Variants in PRKG1 observed in about 807,000 individuals in gnomAD.
PRKG1 encodes protein kinase cGMP-dependent 1, also known as cGMP-dependent protein kinase 1.
In PRKG1, 35 loss-of-function variants were observed where a neutral mutation model predicts 88.1. That is an observed-to-expected ratio of 0.40 (90% CI 0.30 to 0.53). The LOEUF is 0.53. PRKG1 is among the 20% of genes least tolerant of loss of function. The pLI is 0.59. For missense variants in PRKG1, 540 were observed against 839.8 expected (o/e 0.64, Z 4.41); for synonymous variants, 303 against 292.5 (o/e 1.04, Z -0.37).
At chr10:51,220,548 G>C (rs1397483556) in intron 2 of PRKG1, among the ~76,000 whole-genome samples, 1 of 152,064 alleles carries the variant, frequency 6.6e-6, no homozygotes, top group East Asian at 1.9e-4. Context: ...CATAGTATAG[G>C]ACACCAGTAT....
rs1841095612 is a variant in PRKG1, at chr10:51,869,270, C to T, written c.699-38237C>T. On this transcript the variant is annotated intron_variant, in intron 4 of 17. Coordinates refer to ENST00000373980, the MANE Select transcript of PRKG1 (RefSeq NM_006258.4). ...AGTAATCCCATCATTGCCTTAAATG[C>T]ATTTACCCATGTGTTTGATGTGCTC... is the stretch of plus-strand genomic sequence containing the variant. Among the ~76,000 whole-genome samples the T allele has an allele frequency of 2.0e-5, 3 of 152,140 alleles. No individual in the cohort carries two copies. In the South Asian group the frequency reaches 6.2e-4, roughly 31 times the overall value.
chr10:51,364,425 A>T (rs2132593729), intron 2 of PRKG1, among the ~76,000 whole-genome samples: 1 of 152,054 alleles, frequency 6.6e-6, no homozygotes, highest in Non-Finnish European at 1.5e-5. Context: ...ATGAAATGAG[A>T]TCTTTGCCAA....
At chr10:51,064,648 C>T (rs959286791) in intron 1 of PRKG1, among the ~76,000 whole-genome samples, 4 of 152,044 alleles carry the variant, frequency 2.6e-5, no homozygotes, top group African/African-American at 7.2e-5. Flanking sequence ...GAAGGGCTTA[C>T]GAAGTATTCT....
chr10:51,110,514 G>A (rs1019080242), intron 1 of PRKG1, among the ~76,000 whole-genome samples: 68 of 152,160 alleles, frequency 4.5e-4, no homozygotes, highest in African/African-American at 1.4e-3. Context: ...AGAACAAACC[G>A]GTGGTTGCCT....
chr10:51,301,619 G>A (rs916479840), intron 2 of PRKG1, among the ~76,000 whole-genome samples: 1 of 152,162 alleles, frequency 6.6e-6, no homozygotes. Flanking sequence ...CCAAAGGATT[G>A]GGAATAGGTC....
At chr10:52,033,938 T>A (rs370667354) in intron 5 of PRKG1, among the ~76,000 whole-genome samples, 2 of 150,076 alleles carry the variant, frequency 1.3e-5, no homozygotes, top group South Asian at 4.3e-4. Context: ...GGGGTTGTTC[T>A]CTGGCAGGCA....
At chr10:51,149,736 C>A (rs1846020246) in intron 1 of PRKG1, among the ~76,000 whole-genome samples, 1 of 152,026 alleles carries the variant, frequency 6.6e-6, no homozygotes, top group South Asian at 2.1e-4. Context: ...TGCACTGGCT[C>A]ATGTAAGATC....
chr10:52,081,789 T>A, intron 7 of PRKG1: 1 of 401,622 alleles, frequency 2.5e-6, no homozygotes, highest in Non-Finnish European at 5.0e-6. Context: ...ATGGTCCTCA[T>A]TGAGAAAGTG....
At chr10:51,221,441 T>C (rs1838527377) in intron 2 of PRKG1, among the ~76,000 whole-genome samples, 1 of 152,096 alleles carries the variant, frequency 6.6e-6, no homozygotes, top group Non-Finnish European at 1.5e-5. Flanking sequence ...TCTAAATCTC[T>C]CTTTGTATAA....
At chr10:51,264,833 AAC>A (rs1272646611) in intron 2 of PRKG1, among the ~76,000 whole-genome samples, 1 of 152,194 alleles carries the variant, frequency 6.6e-6, no homozygotes, top group African/African-American at 2.4e-5. Context: ...GGCTTTCATG[AAC>A]AGTTTTGCAT....
chr10:51,179,654 G>A (rs1291639735), intron 2 of PRKG1, among the ~76,000 whole-genome samples: 6 of 152,098 alleles, frequency 3.9e-5, no homozygotes, highest in East Asian at 3.9e-4. Flanking sequence ...CAGGAGTTAC[G>A]GATTATGGAC....
At chr10:51,512,268 T>C (rs1050328992) in intron 3 of PRKG1, among the ~76,000 whole-genome samples, 3 of 149,552 alleles carry the variant, frequency 2.0e-5, no homozygotes, top group African/African-American at 7.4e-5. Flanking sequence ...TATGTATACA[T>C]GTGCCATGCT....
At chr10:51,807,997 A>AT (rs1839351172) in intron 4 of PRKG1, among the ~76,000 whole-genome samples, 1 of 150,030 alleles carries the variant, frequency 6.7e-6, no homozygotes, top group South Asian at 2.2e-4. Flanking sequence ...GAATAATATT[A>AT]ATTCCTTCTT....
intron 5 of PRKG1, among the ~76,000 whole-genome samples, chr10:51,924,125 T>C (rs114227278): frequency 2.3e-3 from 356 of 152,204 alleles, no homozygotes; most frequent in African/African-American, 8.1e-3. Context: ...ACACCCGGCC[T>C]TACTTCCTTT....
chr10:52,023,832 A>T (rs997462964), intron 5 of PRKG1, among the ~76,000 whole-genome samples: 4 of 152,152 alleles, frequency 2.6e-5, no homozygotes. Context: ...AGATGGATAG[A>T]TTGCAAAAAT....
At chr10:51,087,475 CA>C (rs1844282444) in intron 1 of PRKG1, among the ~76,000 whole-genome samples, 1 of 152,192 alleles carries the variant, frequency 6.6e-6, no homozygotes, top group African/African-American at 2.4e-5. Flanking sequence ...TTGCCCAAAA[CA>C]AAACAATGGC....
chr10:51,952,308 A>G (rs1257980597), intron 5 of PRKG1, among the ~76,000 whole-genome samples: 10 of 152,322 alleles, frequency 6.6e-5, no homozygotes, highest in African/African-American at 2.4e-4. Flanking sequence ...TTTGTTAAGT[A>G]TCCAAATGTG....
At chr10:52,161,842 C>G (rs758314754) in intron 8 of PRKG1, 47 bp from the exon 9 acceptor site, 1 of 1,541,194 alleles carries the variant, frequency 6.5e-7, no homozygotes, top group African/African-American at 1.4e-5. Flanking sequence ...GTTGCCATTG[C>G]TACTATTTTG....
At chr10:52,214,301 G>A (rs188261158) in intron 9 of PRKG1, among the ~76,000 whole-genome samples, 1 of 152,200 alleles carries the variant, frequency 6.6e-6, no homozygotes, top group Admixed American at 6.5e-5. Flanking sequence ...TATAACTTGG[G>A]TGCACATCTC....
Sources: allele counts gnomAD v4.1 joint callset (sites outside exome capture counted in the v4.1 genomes callset), GRCh38; gene constraint gnomAD v4.1.1; transcripts MANE v1.5; gene names NCBI Gene and HGNC (gene_info 2026-07-23, HGNC 2026-07-21).